UPRT: variants seen among roughly 807,000 people sequenced by gnomAD.
UPRT encodes RP11-311P8.3.
Under a neutral mutation model 22.6 loss-of-function variants are expected in UPRT, and 5 were observed. That is an observed-to-expected ratio of 0.22 (90% CI 0.12 to 0.47). UPRT has a LOEUF of 0.47. UPRT is among the 20% of genes least tolerant of loss of function. The probability of loss-of-function intolerance (pLI) is 0.99; values close to 1 mark genes in which losing one functional copy is unlikely to be tolerated. For synonymous variants in UPRT, 77 were observed against 87.7 expected, an observed-to-expected ratio of 0.88 and a Z score of 0.68; for missense variants, 181 against 239.9, an observed-to-expected ratio of 0.75 and a Z score of 1.62.
intron 4 of UPRT, among the ~76,000 whole-genome samples, chrX:75,172,792 G>C (rs764924817): frequency 9.0e-6 from 1 of 110,829 alleles, no homozygotes; most frequent in Non-Finnish European, 1.9e-5. Context: ...CGGTGGGCTC[G>C]TGGTCTCGCT....
At chrX:75,162,206 C>T (rs2082202221) in intron 2 of UPRT, among the ~76,000 whole-genome samples, 2 of 108,774 alleles carry the variant, frequency 1.8e-5, no homozygotes, top group Non-Finnish European at 1.9e-5. Flanking sequence ...CCCGCCTCAG[C>T]CTCCCAAAGT....
rs756187260 is a variant in UPRT at position 75,249,430 on chromosome X, T to C, written c.-446-41594T>C. 3.0e-4 allele frequency among the ~76,000 whole-genome samples: 33 copies of C among 111,341 alleles called. 1 individual carries two copies. In the South Asian group the frequency reaches 8.4e-3, roughly 28 times the overall value. ...CAATCCTAGTCTCTGATAAAACAGATTTTAAACCAACAAAGATCAAAAGAG... is the reference window on the plus strand; with the variant it reads ...CAATCCTAGTCTCTGATAAAACAGACTTTAAACCAACAAAGATCAAAAGAG... On this transcript the variant is annotated intron_variant, in intron 4 of 13. Transcript: ENST00000652605.
At chrX:75,187,873 T>G (rs1470312711) in intron 4 of UPRT, among the ~76,000 whole-genome samples, 1 of 112,420 alleles carries the variant, frequency 8.9e-6, no homozygotes, top group Non-Finnish European at 1.9e-5. Flanking sequence ...TTCAGCTCCA[T>G]CAGCTCCTTT....
At chrX:75,239,566 T>G (rs975935551) in intron 4 of UPRT, among the ~76,000 whole-genome samples, 1 of 110,925 alleles carries the variant, frequency 9.0e-6, no homozygotes, top group Non-Finnish European at 1.9e-5. Context: ...TTCCAAAGGA[T>G]AGAGAAAGAG....
intron 4 of UPRT, among the ~76,000 whole-genome samples, chrX:75,179,094 C>T (rs1008610145): frequency 1.8e-5 from 2 of 111,949 alleles, no homozygotes; most frequent in African/African-American, 6.5e-5. Context: ...ACCAGAGTGT[C>T]GATTGGTGCA....
chrX:75,259,957 T>C (rs1176631221), intron 4 of UPRT, among the ~76,000 whole-genome samples: 2 of 111,966 alleles, frequency 1.8e-5, no homozygotes, highest in Non-Finnish European at 3.8e-5. Flanking sequence ...ATATTCAACA[T>C]TCTTAAAGAA....
At position 75,267,174 on chromosome X, in the gene UPRT, C is replaced by T. The variant is rs1364216734; in HGVS notation, c.-446-23850C>T. Among the ~76,000 whole-genome samples, 3 of 111,708 alleles carry T rather than the reference C, an allele frequency of 2.7e-5. No homozygotes were observed. In the East Asian group the frequency reaches 8.4e-4, roughly 31 times the overall value. On this transcript the variant is annotated intron_variant, in intron 4 of 13. Coordinates refer to the UPRT transcript ENST00000652605. ...TGAGGCACTATTCACAATAACAAAG[C>T]CTTGGAACCAACCGAAATGTCCATC...
chrX:75,277,724 C>A (rs899709269), intron 1 of UPRT, among the ~76,000 whole-genome samples: 1 of 111,605 alleles, frequency 9.0e-6, no homozygotes, highest in African/African-American at 3.3e-5. Flanking sequence ...ATGTGGAATT[C>A]ACTTTTTTAT....
At chrX:75,204,886 C>T (rs1343461849) in intron 4 of UPRT, among the ~76,000 whole-genome samples, 1 of 110,681 alleles carries the variant, frequency 9.0e-6, no homozygotes, top group Admixed American at 9.6e-5. Flanking sequence ...GTCCAGCTCT[C>T]AGAGGTTGTG....
chrX:75,234,898 C>T (rs1214545611), intron 4 of UPRT, among the ~76,000 whole-genome samples: 1 of 111,286 alleles, frequency 9.0e-6, no homozygotes, highest in African/African-American at 3.3e-5. Context: ...AGAGCAAACA[C>T]ATTCAAAAGC....
chrX:75,270,070 C>G (rs915893661), upstream of UPRT, among the ~76,000 whole-genome samples: 1 of 111,590 alleles, frequency 9.0e-6, no homozygotes, highest in Non-Finnish European at 1.9e-5. Context: ...AAAAAACAAA[C>G]AGCCCCATCA....
At chrX:75,252,859 G>T (rs2082536146) in intron 4 of UPRT, among the ~76,000 whole-genome samples, 1 of 112,401 alleles carries the variant, frequency 8.9e-6, no homozygotes, top group Admixed American at 9.4e-5. Context: ...ATACTATGCA[G>T]CCATAAAAAA....
intron 4 of UPRT, among the ~76,000 whole-genome samples, chrX:75,197,129 C>T (rs946146488): frequency 9.0e-6 from 1 of 111,118 alleles, no homozygotes; most frequent in Non-Finnish European, 1.9e-5. Context: ...AATATTGGCA[C>T]AAGGTGAAAA....
intron 2 of UPRT, among the ~76,000 whole-genome samples, chrX:75,295,757 T>C (rs1332159638): frequency 8.9e-6 from 1 of 111,923 alleles, no homozygotes; most frequent in Non-Finnish European, 1.9e-5. Flanking sequence ...GATGCTTTCC[T>C]TTGTACCACA....
chrX:75,180,386 C>T (rs1490138249), intron 4 of UPRT, among the ~76,000 whole-genome samples: 1 of 111,890 alleles, frequency 8.9e-6, no homozygotes, highest in African/African-American at 3.3e-5. Context: ...AAGTCATTCT[C>T]CCATGATCTA....
At chrX:75,281,834 G>C (rs779312541) in intron 1 of UPRT, among the ~76,000 whole-genome samples, 1 of 111,330 alleles carries the variant, frequency 9.0e-6, no homozygotes, top group Non-Finnish European at 1.9e-5. Context: ...GTGTCAAAAG[G>C]AATGTTTTCA....
At chrX:75,253,011 G>A (rs1408011285) in intron 4 of UPRT, among the ~76,000 whole-genome samples, 2 of 110,711 alleles carry the variant, frequency 1.8e-5, no homozygotes, top group African/African-American at 6.6e-5. Context: ...ATGGACACAG[G>A]TAGGGGAACA....
intron 4 of UPRT, among the ~76,000 whole-genome samples, chrX:75,254,245 C>T (rs1314447694): frequency 5.4e-5 from 6 of 110,405 alleles, no homozygotes; most frequent in African/African-American, 2.0e-4. Flanking sequence ...CAGGAATGCA[C>T]CAGAGAAAGA....
intron 4 of UPRT, among the ~76,000 whole-genome samples, chrX:75,183,090 G>C (rs1252968305): frequency 9.1e-6 from 1 of 110,263 alleles, no homozygotes; most frequent in African/African-American, 3.3e-5. Context: ...TGTTACATAT[G>C]TATACATGTG....
Sources: allele counts gnomAD v4.1 joint callset (sites outside exome capture counted in the v4.1 genomes callset), GRCh38; gene constraint gnomAD v4.1.1; transcripts MANE v1.5; gene names NCBI Gene and HGNC (gene_info 2026-07-23, HGNC 2026-07-21).